MRPL22: variants seen among roughly 807,000 people sequenced by gnomAD.
The protein encoded by MRPL22 is mitochondrial ribosomal protein L22, also known as large ribosomal subunit protein uL22m.
MRPL22 carries 27 observed loss-of-function variants against 32.4 expected under a neutral mutation model. The observed-to-expected ratio is 0.83, with a 90% CI of 0.61 to 1.15. The LOEUF is 1.15. Among genes scored for constraint, MRPL22 ranks in the 50% most tolerant of loss-of-function variants. The pLI is 0.00. For missense variants in MRPL22, 239 were observed against 260.2 expected (o/e 0.92, Z 0.56); for synonymous variants, 86 against 87.3 (o/e 0.99, Z 0.08).
At chr5:154,966,492 T>C (rs1561743824) in intron 6 of MRPL22, among the ~76,000 whole-genome samples, 194 bp from the exon 7 acceptor site, 1 of 152,226 alleles carries the variant, frequency 6.6e-6, no homozygotes, top group Non-Finnish European at 1.5e-5. Context: ...GCACTCTTAC[T>C]TCTCCAACAC....
Position 154,966,847 on chromosome 5 carries a change from A to G in MRPL22, c.571A>G (p.Lys191Glu). 3 of 1,614,122 alleles carry G rather than the reference A, an allele frequency of 1.9e-6. No homozygotes were observed. The highest frequency in any genetic ancestry group is 1.7e-6 in the Non-Finnish European group (2 of 1,180,010). ...ACCAAAGACGGCAGTTGCCCATGCC[A>G]AAGAGTATATTCAGCAGCTTCGCAG... is the stretch of plus-strand genomic sequence containing the variant. ...EPPKTAVAHA[K>E]EYIQQLRSRT... The change falls in exon 7 of 7, where the codon AAA becomes GAA. Residue 191 changes from lysine (K) to glutamate (E), a missense_variant. Coordinates refer to ENST00000523037, the MANE Select transcript of MRPL22 (RefSeq NM_014180.4).
At chr5:154,958,686 A>C (rs939870864) in intron 5 of MRPL22, among the ~76,000 whole-genome samples, 1 of 151,804 alleles carries the variant, frequency 6.6e-6, no homozygotes, top group African/African-American at 2.4e-5. Context: ...CTGGGACTAC[A>C]GATGTGTGCC....
intron 2 of MRPL22, 125 bp from the exon 3 acceptor site, chr5:154,950,696 A>G (rs1191233430): frequency 4.1e-6 from 3 of 735,530 alleles, no homozygotes; most frequent in Non-Finnish European, 7.2e-6. Flanking sequence ...CCTCTAGAAT[A>G]TTTCCAGTTG....
In MRPL22 at chr5:154,966,715, C is replaced by G. The variant is rs771963032; in HGVS notation, c.439C>G (p.Leu147Val). ...AESTSGRGQC[L>V]KRIRYHGRGR... ...GTCCACCTCAGGACGAGGCCAGTGC[C>G]TGAAACGCATCCGCTACCATGGCAG... Residue 147 changes from leucine (L) to valine (V), a missense_variant, in exon 7 of 7, where the codon CTG (leucine) becomes GTG (valine). By Grantham distance (32) the Leu-to-Val change is conservative (BLOSUM62 1). Coordinates refer to ENST00000523037, the MANE Select transcript of MRPL22 (RefSeq NM_014180.4). The G allele has an allele frequency of 6.2e-7, 1 of 1,614,096 alleles. No individual in the cohort carries two copies. Among genetic ancestry groups the G allele is most frequent in the Non-Finnish European group, 8.5e-7 (1 of 1,180,038 alleles).
At position 154,967,846 on chromosome 5, in the gene MRPL22, C is replaced by T. The variant is rs766820276; in HGVS notation, c.*949C>T. 9 of 152,166 alleles carry T rather than the reference C, an allele frequency of 5.9e-5. No individual in the cohort carries two copies. The highest frequency in any genetic ancestry group is 2.2e-4 in the African/African-American group (9 of 41,430). The allele number at this position is 152,166 out of a possible 1,614,324, so 9.4% of individuals were successfully genotyped here. On this transcript the variant is annotated 3_prime_UTR_variant, in exon 7 of 7. Coordinates refer to ENST00000523037, the MANE Select transcript of MRPL22 (RefSeq NM_014180.4). The surrounding 1 kb of genome is among the most constrained non-coding windows in gnomAD (Gnocchi z 4.7). The stretch of plus-strand genomic sequence containing the variant: ...GGCCCCACCCCAATGATTCAATTCA[C>T]TAGGTCTTATGGGGGGCTGGTTTCA...
At chr5:154,951,328 TTTTGTTTGTTTG>T (rs139854722) in intron 3 of MRPL22, among the ~76,000 whole-genome samples, 9 of 152,118 alleles carry the variant, frequency 5.9e-5, no homozygotes, top group African/African-American at 1.7e-4. Flanking sequence ...ACACACTGTT[TTTTGTTTGTTTG>T]TTTGTTTGTT....
At chr5:154,962,771 C>T (rs1053148905) in intron 6 of MRPL22, among the ~76,000 whole-genome samples, 2 of 152,098 alleles carry the variant, frequency 1.3e-5, no homozygotes, top group Non-Finnish European at 2.9e-5. Flanking sequence ...TTCATGGCAT[C>T]TAAAGTGAAT....
At chr5:154,941,896 T>C (rs1024066211) in intron 2 of MRPL22, among the ~76,000 whole-genome samples, 2 of 152,216 alleles carry the variant, frequency 1.3e-5, no homozygotes, top group Non-Finnish European at 2.9e-5. Context: ...TATTTGAAAA[T>C]TGATAATCTG....
chr5:154,961,041 A>C (rs1764696500), intron 6 of MRPL22, among the ~76,000 whole-genome samples: 1 of 152,206 alleles, frequency 6.6e-6, no homozygotes, highest in Non-Finnish European at 1.5e-5. Flanking sequence ...CAACAATTAG[A>C]GTAAAAAAAA....
At chr5:154,960,575 T>C (rs981540573) in intron 6 of MRPL22, among the ~76,000 whole-genome samples, 1 of 152,246 alleles carries the variant, frequency 6.6e-6, no homozygotes, top group Admixed American at 6.5e-5. Flanking sequence ...TTTGTTCCAC[T>C]TTGTTACTAC....
At chr5:154,962,900 T>C (rs1184505502) in intron 6 of MRPL22, among the ~76,000 whole-genome samples, 1 of 152,218 alleles carries the variant, frequency 6.6e-6, no homozygotes, top group East Asian at 1.9e-4. Flanking sequence ...ACCTAAATAC[T>C]ACTAATAGGA....
At chr5:154,949,503 T>C (rs919874666) in intron 2 of MRPL22, among the ~76,000 whole-genome samples, 3 of 152,104 alleles carry the variant, frequency 2.0e-5, no homozygotes, top group African/African-American at 7.2e-5. Context: ...GAGAAATCAA[T>C]CTAGAGGCTA....
At chr5:154,966,031 C>T (rs978806126) in intron 6 of MRPL22, among the ~76,000 whole-genome samples, 1 of 152,200 alleles carries the variant, frequency 6.6e-6, no homozygotes, top group African/African-American at 2.4e-5. Context: ...AGTGGCTTCT[C>T]ATCACAATTA....
At position 154,966,865 on chromosome 5, in the gene MRPL22, C is replaced by T. The variant is rs755328703; in HGVS notation, c.589C>T (p.Leu197Phe). ...CCATGCCAAAGAGTATATTCAGCAG[C>T]TTCGCAGCCGGACCATCGTTCACAC... is the stretch of plus-strand genomic sequence containing the variant. ...VAHAKEYIQQ[L>F]RSRTIVHTL Residue 197 changes from leucine (L) to phenylalanine (F), a missense_variant, in exon 7 of 7, where the codon CTT becomes TTT. Transcript: ENST00000523037. 1 of 1,613,730 alleles carries T rather than the reference C, an allele frequency of 6.2e-7. No individual in the cohort carries two copies. The highest frequency in any genetic ancestry group is 1.3e-5 in the African/African-American group (1 of 74,912).
intron 3 of MRPL22, among the ~76,000 whole-genome samples, chr5:154,951,770 A>G (rs1202487585): frequency 6.6e-6 from 1 of 151,980 alleles, no homozygotes. Flanking sequence ...TTTGTAATTA[A>G]CCAAAATTGA....
chr5:154,958,538 C>CTTTTTTTTTTTTTTTTTTTTTTTTT (rs201113350), intron 5 of MRPL22, among the ~76,000 whole-genome samples: 1 of 83,316 alleles, frequency 1.2e-5, no homozygotes, highest in Non-Finnish European at 2.3e-5. Context: ...TGACAATTGT[C>CTTTTTTTTTTTTTTTTTTTTTTTTT]TTTTTTTTTT....
intron 3 of MRPL22, among the ~76,000 whole-genome samples, chr5:154,953,362 G>GAAAAAAAAAAA: frequency 1.4e-5 from 1 of 69,236 alleles, no homozygotes; most frequent in Non-Finnish European, 2.6e-5. Context: ...CGTCTCAGGA[G>GAAAAAAAAAAA]AAAAAAAAAA....
chr5:154,962,729 A>G (rs1212980741), intron 6 of MRPL22, among the ~76,000 whole-genome samples: 1 of 152,148 alleles, frequency 6.6e-6, no homozygotes, highest in African/African-American at 2.4e-5. Flanking sequence ...TAACAAGTGG[A>G]CAGGGACTAA....
At chr5:154,952,710 A>G (rs1404478345) in intron 3 of MRPL22, among the ~76,000 whole-genome samples, 1 of 152,190 alleles carries the variant, frequency 6.6e-6, no homozygotes, top group African/African-American at 2.4e-5. Context: ...TAATTTATTC[A>G]CTGGCCATAT....
Sources: allele counts gnomAD v4.1 joint callset (sites outside exome capture counted in the v4.1 genomes callset), GRCh38; gene constraint gnomAD v4.1.1; non-coding constraint Gnocchi (gnomAD v3.1); transcripts MANE v1.5; gene names NCBI Gene and HGNC (gene_info 2026-07-23, HGNC 2026-07-21).